Variants in BLVRA observed in about 807,000 individuals in gnomAD.
BLVRA encodes biliverdin reductase A, also known as BVR A.
In BLVRA, 22 loss-of-function variants were observed where a neutral mutation model predicts 32.8. The ratio of observed to expected loss-of-function variants is 0.67; its 90% CI spans 0.48 to 0.96. The LOEUF is 0.96. Ranked by LOEUF, BLVRA falls within the 40% of genes least tolerant of loss-of-function variation. BLVRA has a pLI of 0.00. For synonymous variants in BLVRA, 119 were observed against 141.3 expected, an observed-to-expected ratio of 0.84 and a Z score of 1.12; for missense variants, 323 against 358.1, an observed-to-expected ratio of 0.90 and a Z score of 0.79.
At chr7:43,761,156 T>C (rs2095741814) in intron 1 of BLVRA, among the ~76,000 whole-genome samples, 1 of 152,200 alleles carries the variant, frequency 6.6e-6, no homozygotes, top group South Asian at 2.1e-4. Flanking sequence ...GGTTGAACTC[T>C]CAGGAACAGT....
chr7:43,763,623 C>T (rs1027698377), intron 1 of BLVRA, among the ~76,000 whole-genome samples: 5 of 152,224 alleles, frequency 3.3e-5, no homozygotes, highest in African/African-American at 4.8e-5. Flanking sequence ...TGACCCCTGG[C>T]TCTGTTTCAT....
At chr7:43,781,061 T>G (rs534742553) in intron 2 of BLVRA, among the ~76,000 whole-genome samples, 98 of 151,954 alleles carry the variant, frequency 6.4e-4, no homozygotes, top group Admixed American at 6.1e-3. Context: ...GAGAATCACT[T>G]GAACCCAGGA....
chr7:43,780,438 G>A (rs2095767607), intron 2 of BLVRA, among the ~76,000 whole-genome samples: 2 of 152,182 alleles, frequency 1.3e-5, no homozygotes, highest in African/African-American at 4.8e-5. Flanking sequence ...TGGTAAAAAT[G>A]TAAGTGTGGT....
At chr7:43,777,963 G>C (rs947415604) in intron 2 of BLVRA, among the ~76,000 whole-genome samples, 2 of 152,026 alleles carry the variant, frequency 1.3e-5, no homozygotes, top group African/African-American at 2.4e-5. Context: ...CATTCTTCAC[G>C]TAGTTCTCGA....
intron 2 of BLVRA, among the ~76,000 whole-genome samples, chr7:43,781,997 G>T (rs557336813): frequency 6.6e-6 from 1 of 152,068 alleles, no homozygotes; most frequent in Admixed American, 6.6e-5. Flanking sequence ...GTCCTCTCTC[G>T]GGAAGTCATA....
At chr7:43,773,126 T>C (rs989628770) in intron 2 of BLVRA, among the ~76,000 whole-genome samples, 2 of 152,166 alleles carry the variant, frequency 1.3e-5, no homozygotes, top group Non-Finnish European at 2.9e-5. Context: ...TCTTTCTTTT[T>C]TTAATTTAAT....
chr7:43,788,606 T>C (rs2095781295), intron 3 of BLVRA, among the ~76,000 whole-genome samples: 1 of 152,082 alleles, frequency 6.6e-6, no homozygotes. Flanking sequence ...GCCTCACTTT[T>C]ATTATTATTA....
At chr7:43,759,011 G>A (rs2095739447) in intron 1 of BLVRA, among the ~76,000 whole-genome samples, 1 of 152,214 alleles carries the variant, frequency 6.6e-6, no homozygotes, top group African/African-American at 2.4e-5. Context: ...CTCCATTTCG[G>A]TTAAGACTGC....
chr7:43,798,118 C>CG (rs2095794704), intron 5 of BLVRA, among the ~76,000 whole-genome samples: 1 of 136,980 alleles, frequency 7.3e-6, no homozygotes, highest in African/African-American at 2.8e-5. Flanking sequence ...TTCTTGAACC[C>CG]GGGAGGCACA....
intron 2 of BLVRA, among the ~76,000 whole-genome samples, chr7:43,783,837 C>G (rs113119778): frequency 6.6e-6 from 1 of 152,090 alleles, no homozygotes; most frequent in African/African-American, 2.4e-5. Context: ...TGGATGAAAA[C>G]GACTAGTTTG....
chr7:43,796,121 C>CAAACA (rs2095792505), intron 5 of BLVRA, among the ~76,000 whole-genome samples: 1 of 66,696 alleles, frequency 1.5e-5, no homozygotes, highest in Non-Finnish European at 3.0e-5. Context: ...CTCTGTCTCA[C>CAAACA]AAAAAAAAAA....
Position 43,792,817 on chromosome 7 carries a change from T to C in BLVRA, c.352+5T>C, listed in dbSNP as rs781108865. 3 of 1,613,464 alleles carry C rather than the reference T, an allele frequency of 1.9e-6. No individual in the cohort carries two copies. Among genetic ancestry groups the C allele is most frequent in the Middle Eastern group, 1.7e-4 (1 of 6,052 alleles). On this transcript the variant is annotated splice_donor_5th_base_variant and intron_variant, in intron 5 of 7. Transcript: ENST00000265523. ...GGGAGCTGGCTGAGCAGAAAGGTAATGTATCTTACCAAGAGTTTCTGCCTC... is the reference window on the plus strand; with the variant it reads ...GGGAGCTGGCTGAGCAGAAAGGTAACGTATCTTACCAAGAGTTTCTGCCTC...
At chr7:43,804,319 C>T (rs548919500) in intron 7 of BLVRA, among the ~76,000 whole-genome samples, 1 of 152,124 alleles carries the variant, frequency 6.6e-6, no homozygotes. Flanking sequence ...TGCATGCCTG[C>T]AGTCCCAGCT....
intron 7 of BLVRA, among the ~76,000 whole-genome samples, chr7:43,804,947 G>A (rs1011537427): frequency 5.3e-5 from 8 of 152,154 alleles, no homozygotes; most frequent in Non-Finnish European, 7.4e-5. Flanking sequence ...TTTCTTCTTC[G>A]CTAGGAAAAG....
chr7:43,759,388 ATG>A (rs1245756642), intron 1 of BLVRA, among the ~76,000 whole-genome samples: 1 of 152,250 alleles, frequency 6.6e-6, no homozygotes, highest in Non-Finnish European at 1.5e-5. Context: ...TATAAAAAGA[ATG>A]AGACATCAGA....
intron 7 of BLVRA, among the ~76,000 whole-genome samples, chr7:43,805,954 T>C (rs1563554383): frequency 6.6e-6 from 1 of 152,196 alleles, no homozygotes. Context: ...AGTGAGGAAA[T>C]TGAGGTACAA....
intron 4 of BLVRA, 117 bp downstream of exon 4, chr7:43,791,485 T>C (rs1318827669): frequency 8.8e-7 from 1 of 1,135,406 alleles, no homozygotes; most frequent in East Asian, 2.5e-5. Context: ...AAAATTACAA[T>C]TGCTCTGTGA....
intron 6 of BLVRA, among the ~76,000 whole-genome samples, chr7:43,802,210 TG>T (rs1253179405): frequency 6.6e-6 from 1 of 152,142 alleles, no homozygotes; most frequent in Non-Finnish European, 1.5e-5. Context: ...CTTTTTGTTT[TG>T]TAAGTTTGAT....
At chr7:43,800,330 G>A (rs1448069788) in intron 5 of BLVRA, 135 bp from the exon 6 acceptor site, 1 of 794,504 alleles carries the variant, frequency 1.3e-6, no homozygotes, top group Non-Finnish European at 2.2e-6. Flanking sequence ...GTGGTAGGGA[G>A]GCCATCCTGG....
Sources: gnomAD v4.1 joint callset for allele counts (sites outside exome capture counted in the v4.1 genomes callset) on GRCh38, gnomAD v4.1.1 for gene constraint, MANE v1.5 for transcripts, NCBI Gene and HGNC (gene_info 2026-07-23, HGNC 2026-07-21) for gene names.